CYP2C18: variants seen among roughly 807,000 people sequenced by gnomAD.
The protein encoded by CYP2C18 is cytochrome P450 2C18.
A neutral mutation model predicts 41.3 loss-of-function variants in CYP2C18; 38 were observed. The observed-to-expected ratio is 0.92, with a 90% confidence interval of 0.71 to 1.21. The LOEUF (loss-of-function observed/expected upper bound fraction) is 1.21. Ranked by LOEUF, CYP2C18 falls within the 50% of genes most tolerant of loss-of-function variation. The probability of loss-of-function intolerance (pLI) is 0.00; values close to 1 mark genes in which losing one functional copy is unlikely to be tolerated. For missense variants in CYP2C18, 635 were observed against 591.4 expected (o/e 1.07, Z -0.77); for synonymous variants, 236 against 210.0 (o/e 1.12, Z -1.07).
chr10:94,692,996 C>T (rs1018934805), intron 3 of CYP2C18, among the ~76,000 whole-genome samples: 7 of 151,616 alleles, frequency 4.6e-5, no homozygotes, highest in African/African-American at 1.7e-4. Context: ...GGGAACATCA[C>T]ACACCAGGGC....
chr10:94,709,621 A>G (rs1847400249), intron 5 of CYP2C18, among the ~76,000 whole-genome samples: 1 of 152,214 alleles, frequency 6.6e-6, no homozygotes, highest in Non-Finnish European at 1.5e-5. Flanking sequence ...CAATTTATTT[A>G]TTTATTTGCA....
intron 1 of CYP2C18, among the ~76,000 whole-genome samples, chr10:94,687,172 A>G (rs879529959): frequency 7.9e-5 from 12 of 152,202 alleles, no homozygotes; most frequent in Admixed American, 7.9e-4. Context: ...TCCTGATACT[A>G]TCTCTGTTGG....
intron 3 of CYP2C18, 61 bp downstream of exon 3, chr10:94,688,335 G>T (rs1846934190): frequency 9.1e-6 from 14 of 1,530,916 alleles, no homozygotes; most frequent in Non-Finnish European, 1.1e-5. Flanking sequence ...TTTATTTTTA[G>T]ATTGATACAT....
intron 3 of CYP2C18, among the ~76,000 whole-genome samples, chr10:94,691,463 C>G (rs1358986535): frequency 6.6e-6 from 1 of 152,122 alleles, no homozygotes; most frequent in Non-Finnish European, 1.5e-5. Context: ...ATCCAACTTA[C>G]AAGGGATGTG....
In CYP2C18 at chr10:94,724,410, G is replaced by A; in HGVS notation, c.1026G>A (p.Arg342=). The A allele has an allele frequency of 6.2e-7, 1 of 1,613,566 alleles. No individual in the cohort carries two copies. Residue 342 remains arginine, a synonymous_variant, in exon 7 of 9, where the codon AGG becomes AGA. Coordinates refer to ENST00000285979, the MANE Select transcript of CYP2C18 (RefSeq NM_000772.3). The part of the protein sequence containing the change: ...GRNRSPCMQD[R]SHMPYTDAVV... ...ACCGGAGCCCCTGTATGCAGGACAG[G>A]AGTCACATGCCCTACACAGATGCTG... is the stretch of plus-strand genomic sequence containing the variant.
At chr10:94,695,101 T>A in intron 4 of CYP2C18, 24 bp downstream of exon 4, 1 of 1,570,070 alleles carries the variant, frequency 6.4e-7, no homozygotes, top group Non-Finnish European at 8.6e-7. Context: ...CTTCTCTTCC[T>A]GAGATATTAT....
At chr10:94,717,450 T>C (rs1342714122) in intron 5 of CYP2C18, among the ~76,000 whole-genome samples, 1 of 152,178 alleles carries the variant, frequency 6.6e-6, no homozygotes, top group Non-Finnish European at 1.5e-5. Flanking sequence ...AAGTTTAGTT[T>C]GGCTGGATAT....
chr10:94,688,359 A>G lies in CYP2C18; in HGVS notation c.481+85A>G, dbSNP rs879472353. 6.0e-5 allele frequency: 88 copies of G among 1,454,872 alleles called. 1 individual carries two copies. The Admixed American group carries it at 1.9e-3, about 32-fold the overall frequency. 90.1% of individuals were successfully genotyped at this position (1,454,872 alleles called of 1,614,324 possible). ...AGATTGATACATAACTTTTATGCAT[A>G]TTTATGGGGTACATGTAATATTTTG... On this transcript the variant is annotated intron_variant, in intron 3 of 8. Transcript: ENST00000285979.
At chr10:94,693,118 C>T (rs994765657) in intron 3 of CYP2C18, among the ~76,000 whole-genome samples, 2 of 152,066 alleles carry the variant, frequency 1.3e-5, no homozygotes, top group Non-Finnish European at 1.5e-5. Flanking sequence ...ACATATGTAA[C>T]AAACCTGCAC....
chr10:94,720,410 A>G lies in CYP2C18; in HGVS notation c.834A>G (p.Gln278=), dbSNP rs1476061825. Residue 278 remains glutamine, a synonymous_variant, in exon 6 of 9, where the codon CAA becomes CAG. Transcript: ENST00000285979. ...LIKMEQEKHN[Q]QSEFTVESLI... ...TAATTTTTTAGGAAAAGCACAATCA[A>G]CAGTCTGAATTTACTGTTGAAAGCT... The G allele has an allele frequency of 6.2e-7, 1 of 1,608,478 alleles. No individual in the cohort carries two copies. The highest frequency in any genetic ancestry group is 8.5e-7 in the Non-Finnish European group (1 of 1,178,318).
chr10:94,695,225 G>A (rs12778216), intron 4 of CYP2C18, 148 bp downstream of exon 4: 114,488 of 690,362 alleles, frequency 0.17, 11,173 homozygotes, highest in South Asian at 0.32. Context: ...CATGTGCCAT[G>A]GTGGTTTGCT....
At position 94,683,791 on chromosome 10, in the gene CYP2C18, A is replaced by C. The variant is rs769380376; in HGVS notation, c.-29A>C. The C allele has an allele frequency of 7.1e-6, 11 of 1,544,422 alleles. No homozygotes were observed. The African/African-American group carries it at 1.4e-4, about 19-fold the overall frequency. On this transcript the variant is annotated 5_prime_UTR_variant, in exon 1 of 9. Coordinates refer to ENST00000285979, the MANE Select transcript of CYP2C18 (RefSeq NM_000772.3). ...TAAAAGCCTTGAAGTGAAAGCCCGC[A>C]GTTGTCTTACTAAGAAGAGAAGCCT...
At chr10:94,705,412 C>T (rs910985278) in intron 4 of CYP2C18, among the ~76,000 whole-genome samples, 1 of 152,098 alleles carries the variant, frequency 6.6e-6, no homozygotes, top group Admixed American at 6.5e-5. Context: ...GTGTGCGGGG[C>T]TTAATACCTA....
At chr10:94,730,534 C>T (rs912245712) in intron 7 of CYP2C18, among the ~76,000 whole-genome samples, 1 of 152,026 alleles carries the variant, frequency 6.6e-6, no homozygotes, top group Non-Finnish European at 1.5e-5. Flanking sequence ...AAACCTTTTG[C>T]TTCATAATTA....
chr10:94,719,581 TA>T (rs200420024), intron 5 of CYP2C18, among the ~76,000 whole-genome samples: 4 of 152,024 alleles, frequency 2.6e-5, no homozygotes, highest in African/African-American at 7.2e-5. Context: ...TTTTGATTTT[TA>T]TTTTTTTTTT....
chr10:94,684,637 T>C (rs1459845875), intron 1 of CYP2C18, among the ~76,000 whole-genome samples: 1 of 152,202 alleles, frequency 6.6e-6, no homozygotes, highest in African/African-American at 2.4e-5. Context: ...TCTTGGCTAT[T>C]GTCAATAGCA....
intron 5 of CYP2C18, among the ~76,000 whole-genome samples, chr10:94,712,947 G>A (rs1297862953): frequency 6.6e-6 from 1 of 151,990 alleles, no homozygotes; most frequent in East Asian, 1.9e-4. Context: ...GTGTTGTTAA[G>A]CATCTTTTTA....
intron 4 of CYP2C18, among the ~76,000 whole-genome samples, chr10:94,701,087 A>G (rs571856137): frequency 6.6e-6 from 1 of 152,386 alleles, no homozygotes; most frequent in African/African-American, 2.4e-5. Flanking sequence ...TAGAAATAGA[A>G]GTACCATTTG....
At position 94,712,008 on chromosome 10, in the gene CYP2C18, A is replaced by ATTTTTTTTTTTTTTTTT. The variant is rs35672164; in HGVS notation, c.819+5052_819+5068dup. On this transcript the variant is annotated intron_variant, in intron 5 of 8. Coordinates refer to ENST00000285979, the MANE Select transcript of CYP2C18 (RefSeq NM_000772.3). Reference sequence around the variant, plus strand: ...AGGTGCATGCCACCATGCCCAACTAATTTTTTTTTTTTTTTTTTTTGTAGA... The same window carrying ATTTTTTTTTTTTTTTTT: ...AGGTGCATGCCACCATGCCCAACTAATTTTTTTTTTTTTTTTTTTTTTTTTTTTTTTTTTTTTGTAGA... Among the ~76,000 whole-genome samples, 41 of 97,860 alleles carry ATTTTTTTTTTTTTTTTT rather than the reference A, an allele frequency of 4.2e-4. 1 individual carries two copies. Among genetic ancestry groups the ATTTTTTTTTTTTTTTTT allele is most frequent in the African/African-American group, 7.3e-4 (17 of 23,352 alleles). The allele number at this position is 97,860 out of a possible 152,430, so 64.2% of individuals were successfully genotyped here. A position where few individuals can be genotyped will look rare whatever the true frequency, so the allele number is the denominator to read the frequency against.
Sources: allele counts gnomAD v4.1 joint callset (sites outside exome capture counted in the v4.1 genomes callset), GRCh38; gene constraint gnomAD v4.1.1; transcripts MANE v1.5; gene names NCBI Gene and HGNC (gene_info 2026-07-23, HGNC 2026-07-21).